CHMP3: variants seen among roughly 807,000 people sequenced by gnomAD.
The protein encoded by CHMP3 is charged multivesicular body protein 3.
CHMP3 carries 8 observed loss-of-function variants against 27.4 expected under a neutral mutation model. The ratio of observed to expected loss-of-function variants is 0.29; its 90% CI spans 0.17 to 0.53. The LOEUF (loss-of-function observed/expected upper bound fraction) is 0.53, where lower values mean the gene tolerates loss of function less well. Among genes scored for constraint, CHMP3 ranks in the 20% least tolerant of loss-of-function variants. The pLI is 0.96. For synonymous variants in CHMP3, 86 were observed against 85.5 expected (o/e 1.01, Z -0.03); for missense variants, 208 against 271.5 (o/e 0.77, Z 1.64).
intron 1 of CHMP3, among the ~76,000 whole-genome samples, chr2:86,550,182 C>T (rs751018865): frequency 1.3e-5 from 2 of 152,232 alleles, no homozygotes; most frequent in Non-Finnish European, 2.9e-5. Context: ...CGGAGACCAG[C>T]CAGGTCAACA....
chr2:86,557,673 C>T (rs904333005), intron 1 of CHMP3, among the ~76,000 whole-genome samples: 2 of 152,118 alleles, frequency 1.3e-5, no homozygotes, highest in African/African-American at 2.4e-5. Context: ...GTTCACTTTG[C>T]TAGGGATGCC....
intron 1 of CHMP3, among the ~76,000 whole-genome samples, chr2:86,547,348 T>C (rs940270876): frequency 7.2e-5 from 11 of 152,250 alleles, no homozygotes; most frequent in African/African-American, 2.7e-4. Context: ...TTTCTATGTA[T>C]GTTTTTAAAT....
chr2:86,506,601 A>G (rs1674897386), intron 5 of CHMP3, among the ~76,000 whole-genome samples: 1 of 150,322 alleles, frequency 6.7e-6, no homozygotes. Context: ...AAATGATTTT[A>G]TTAGGCATTT....
intron 1 of CHMP3, among the ~76,000 whole-genome samples, chr2:86,556,554 C>CTT (rs2104049787): frequency 6.6e-6 from 1 of 152,254 alleles, no homozygotes; most frequent in East Asian, 1.9e-4. Flanking sequence ...GCCAGATTCT[C>CTT]TTACCTGGGA....
intron 1 of CHMP3, among the ~76,000 whole-genome samples, chr2:86,555,180 A>G (rs1558663130): frequency 1.3e-5 from 2 of 152,164 alleles, no homozygotes; most frequent in Non-Finnish European, 2.9e-5. Flanking sequence ...GATTTATACA[A>G]TCAAACTCCA....
intron 1 of CHMP3, among the ~76,000 whole-genome samples, chr2:86,562,513 T>C (rs116241634): frequency 1.2e-4 from 18 of 152,310 alleles, no homozygotes; most frequent in East Asian, 3.9e-4. Context: ...ATGAAAACTT[T>C]ACATCCCTGA....
chr2:86,528,582 G>A (rs1012002917), intron 3 of CHMP3, among the ~76,000 whole-genome samples: 2 of 152,158 alleles, frequency 1.3e-5, no homozygotes, highest in Non-Finnish European at 2.9e-5. Context: ...ATAGTTCTGA[G>A]TTAGGACTAC....
intron 3 of CHMP3, among the ~76,000 whole-genome samples, chr2:86,522,029 C>T (rs1675540276): frequency 6.6e-6 from 1 of 152,180 alleles, no homozygotes; most frequent in Non-Finnish European, 1.5e-5. Context: ...CTCTTCCAAT[C>T]AAAACACACT....
In CHMP3 at chr2:86,555,517, A is replaced by AT. The variant is rs144249940; in HGVS notation, c.45+7786_45+7787insA. On this transcript the variant is annotated intron_variant, in intron 1 of 5. Coordinates refer to ENST00000263856, the MANE Select transcript of CHMP3 (RefSeq NM_016079.4). ...CTCCATCTCAAAAAAAAAAATAAAT[A>AT]AATAAATAATAAATGTGCTGTTTCA... Among the ~76,000 whole-genome samples, 106 of 148,894 alleles carry AT rather than the reference A, an allele frequency of 7.1e-4. 3 individuals carry two copies. The highest frequency in any genetic ancestry group is 2.0e-3 in the East Asian group (10 of 5,044).
chr2:86,535,994 C>CTT (rs60555193), intron 2 of CHMP3, among the ~76,000 whole-genome samples: 19,315 of 111,452 alleles, frequency 0.17, 3,392 homozygotes, highest in African/African-American at 0.34. Flanking sequence ...ATAAACCTTT[C>CTT]TTTTTTTTTT....
Position 86,507,572 on chromosome 2 carries a change from A to C in CHMP3, c.430T>G (p.Leu144Val). 1 of 1,614,148 alleles carries C rather than the reference A, an allele frequency of 6.2e-7. No homozygotes were observed. The highest frequency in any genetic ancestry group is 8.5e-7 in the Non-Finnish European group (1 of 1,180,014). ...MMKAGIIEEM[L>V]EDTFESMDDQ... is the part of the protein sequence containing the mutation. ...TCCATGCTTTCAAAAGTGTCCTCTA[A>C]CATCTCCTCTATGATCCCAGCCTAA... is the stretch of plus-strand genomic sequence containing the variant. Residue 144 changes from leucine (L) to valine (V), a missense_variant, in exon 5 of 6, where the codon TTA (leucine) becomes GTA (valine). Leu to Val is a conservative substitution (Grantham distance 32). Coordinates refer to ENST00000263856, the MANE Select transcript of CHMP3 (RefSeq NM_016079.4).
intron 2 of CHMP3, among the ~76,000 whole-genome samples, chr2:86,534,708 T>C (rs1339197763): frequency 6.6e-6 from 1 of 152,188 alleles, no homozygotes; most frequent in South Asian, 2.1e-4. Flanking sequence ...TTAATTAATA[T>C]ATAATGTCCT....
intron 3 of CHMP3, among the ~76,000 whole-genome samples, chr2:86,516,725 T>TTGA (rs1250368551): frequency 4.6e-5 from 7 of 152,214 alleles, no homozygotes; most frequent in Admixed American, 3.3e-4. Flanking sequence ...ATGTAAACAC[T>TTGA]TGAGTTAATT....
At chr2:86,536,289 C>T (rs909671815) in intron 2 of CHMP3, among the ~76,000 whole-genome samples, 7 of 152,160 alleles carry the variant, frequency 4.6e-5, no homozygotes, top group Admixed American at 2.6e-4. Context: ...TGAGCCACCA[C>T]GCCCGGCCTA....
chr2:86,562,742 G>A (rs1294082759), intron 1 of CHMP3: 1 of 152,350 alleles, frequency 6.6e-6, no homozygotes, highest in African/African-American at 2.4e-5. Flanking sequence ...GCTATCTTCT[G>A]TAACATTCTT....
At chr2:86,555,215 T>G (rs1677073869) in intron 1 of CHMP3, among the ~76,000 whole-genome samples, 1 of 152,272 alleles carries the variant, frequency 6.6e-6, no homozygotes, top group South Asian at 2.1e-4. Context: ...ATGAAATACA[T>G]CTACATATAT....
intron 1 of CHMP3, among the ~76,000 whole-genome samples, chr2:86,558,285 T>C (rs1002344551): frequency 3.3e-5 from 5 of 152,222 alleles, no homozygotes; most frequent in African/African-American, 1.2e-4. Flanking sequence ...GTCTGGTCTT[T>C]ACTTGCATCC....
chr2:86,528,679 G>A (rs1675804871), intron 3 of CHMP3, among the ~76,000 whole-genome samples: 2 of 152,124 alleles, frequency 1.3e-5, no homozygotes, highest in Non-Finnish European at 2.9e-5. Flanking sequence ...AGGAAACAAT[G>A]TTTATTCCTA....
intron 4 of CHMP3, among the ~76,000 whole-genome samples, chr2:86,508,787 C>T (rs1462162773): frequency 6.6e-6 from 1 of 152,170 alleles, no homozygotes; most frequent in Non-Finnish European, 1.5e-5. Context: ...TTCTTCCCAA[C>T]CAAAATGAAC....
Sources: allele counts gnomAD v4.1 joint callset (sites outside exome capture counted in the v4.1 genomes callset), GRCh38; gene constraint gnomAD v4.1.1; transcripts MANE v1.5; gene names NCBI Gene and HGNC (gene_info 2026-07-23, HGNC 2026-07-21).